The following MRTFB variants were observed in gnomAD, a reference collection of about 807,000 sequenced individuals.
MRTFB encodes myocardin related transcription factor B.
Under a neutral mutation model 104.2 loss-of-function variants are expected in MRTFB, and 29 were observed. The ratio of observed to expected loss-of-function variants is 0.28; its 90% confidence interval spans 0.21 to 0.38. The LOEUF is 0.38. MRTFB is among the 10% of genes least tolerant of loss of function. The pLI is 1.00. For synonymous variants in MRTFB, 535 were observed against 519.5 expected (o/e 1.03, Z -0.41); for missense variants, 1,270 against 1,341.6 (o/e 0.95, Z 0.83).
rs761196986 is a variant in MRTFB, at chr16:14,177,038, A to G, written c.155-33205A>G. Among the ~76,000 whole-genome samples, 2 of 152,220 alleles carry G rather than the reference A, an allele frequency of 1.3e-5. No individual in the cohort carries two copies. The highest frequency in any genetic ancestry group is 2.9e-5 in the Non-Finnish European group (2 of 68,032). On this transcript the variant is annotated intron_variant, in intron 3 of 16. Coordinates refer to ENST00000571589, the MANE Select transcript of MRTFB (RefSeq NM_001308142.2). The surrounding 1 kb of genome is among the most constrained non-coding windows in gnomAD (Gnocchi z 4.7). ...ACAGTTTCCGTGGGCAGAGATAGGG[A>G]ATAGGGAAATCCAGGAAGAAAAAAC...
the MRTFB span, among the ~76,000 whole-genome samples, chr16:14,038,891 G>T: frequency 3.3e-5 from 5 of 152,266 alleles, no homozygotes; most frequent in East Asian, 3.9e-4. Flanking sequence ...GAAGGCAAAA[G>T]GCACATCTTA....
chr16:14,218,295 A>G (rs1359835261), intron 7 of MRTFB, among the ~76,000 whole-genome samples: 3 of 151,880 alleles, frequency 2.0e-5, no homozygotes, highest in Non-Finnish European at 4.4e-5. Context: ...TCCTGACCTC[A>G]TGATCCACCC....
chr16:14,136,468 G>T (rs1029772561), intron 2 of MRTFB, among the ~76,000 whole-genome samples: 7 of 151,978 alleles, frequency 4.6e-5, no homozygotes, highest in Admixed American at 4.6e-4. Flanking sequence ...TACACAGTAG[G>T]ATCACTCTGT....
the MRTFB span, among the ~76,000 whole-genome samples, chr16:14,003,419 C>T: frequency 3.3e-5 from 5 of 152,332 alleles, no homozygotes; most frequent in South Asian, 1.0e-3. Flanking sequence ...CACCCCCGCA[C>T]GCTCACAGTG....
chr16:14,049,310 C>T, the MRTFB span, among the ~76,000 whole-genome samples: 1 of 152,192 alleles, frequency 6.6e-6, no homozygotes, highest in Non-Finnish European at 1.5e-5. Flanking sequence ...AATCATGTAT[C>T]ACTCCCCTAA....
At chr16:14,138,530 G>A (rs1366135423) in intron 2 of MRTFB, among the ~76,000 whole-genome samples, 1 of 152,194 alleles carries the variant, frequency 6.6e-6, no homozygotes, top group African/African-American at 2.4e-5. Context: ...TAAGAGTGGT[G>A]TTTTGTTAAG....
upstream of MRTFB, among the ~76,000 whole-genome samples, chr16:14,068,691 G>A (rs975259440): frequency 6.6e-6 from 1 of 152,262 alleles, no homozygotes; most frequent in Non-Finnish European, 1.5e-5. Context: ...CTTCCACAGG[G>A]GATTTGTGAC....
At chr16:14,193,109 A>G (rs2040261470) in intron 3 of MRTFB, among the ~76,000 whole-genome samples, 1 of 146,494 alleles carries the variant, frequency 6.8e-6, no homozygotes, top group Non-Finnish European at 1.5e-5. Context: ...CCCCCTACAC[A>G]CATTCTGGCC....
chr16:14,257,709 C>T (rs896011812), intron 15 of MRTFB, among the ~76,000 whole-genome samples: 9 of 152,166 alleles, frequency 5.9e-5, no homozygotes, highest in South Asian at 2.1e-4. Flanking sequence ...TACATAAGTG[C>T]ACCTTATTAT....
intron 3 of MRTFB, among the ~76,000 whole-genome samples, chr16:14,155,997 T>C (rs968762719): frequency 1.3e-5 from 2 of 152,200 alleles, no homozygotes; most frequent in African/African-American, 4.8e-5. Flanking sequence ...GTCTCCTCAG[T>C]TCAGCAAGCC....
chr16:14,045,956 T>C, the MRTFB span, among the ~76,000 whole-genome samples: 63 of 152,284 alleles, frequency 4.1e-4, no homozygotes, highest in African/African-American at 1.4e-3. Context: ...TAGTAAAGAA[T>C]AGATACCGGA....
At chr16:14,243,500 T>C (rs1262897443) in intron 10 of MRTFB, among the ~76,000 whole-genome samples, 1 of 152,242 alleles carries the variant, frequency 6.6e-6, no homozygotes, top group Non-Finnish European at 1.5e-5. Flanking sequence ...TGGAATCGGC[T>C]GTACGGTAGC....
chr16:14,029,445 TAC>T, the MRTFB span, among the ~76,000 whole-genome samples: 1 of 85,954 alleles, frequency 1.2e-5, no homozygotes, highest in Non-Finnish European at 2.3e-5. Context: ...TATATATATA[TAC>T]ACACACACAC....
chr16:14,169,216 C>A (rs2039345562), intron 3 of MRTFB, among the ~76,000 whole-genome samples: 4 of 152,142 alleles, frequency 2.6e-5, no homozygotes, highest in African/African-American at 9.7e-5. Flanking sequence ...CTGTACACAT[C>A]TCTCTAAAGA....
intron 1 of MRTFB, among the ~76,000 whole-genome samples, chr16:14,078,808 CATT>C (rs2034223538): frequency 7.1e-6 from 1 of 140,948 alleles, no homozygotes; most frequent in Admixed American, 6.8e-5. Flanking sequence ...TATATAATAA[CATT>C]ATAATAAAAT....
intron 2 of MRTFB, among the ~76,000 whole-genome samples, chr16:14,128,723 C>G (rs2037286245): frequency 6.6e-6 from 1 of 152,186 alleles, no homozygotes; most frequent in African/African-American, 2.4e-5. Context: ...AACCCATCTC[C>G]TATTGATCGT....
chr16:14,239,076 C>T (rs771705496), intron 9 of MRTFB, among the ~76,000 whole-genome samples: 32 of 152,182 alleles, frequency 2.1e-4, no homozygotes, highest in Non-Finnish European at 4.3e-4. Context: ...CTGGCTCCAG[C>T]ACCCCGCTGG....
At chr16:14,073,129 C>T (rs2033823833) in intron 1 of MRTFB, among the ~76,000 whole-genome samples, 2 of 152,222 alleles carry the variant, frequency 1.3e-5, no homozygotes, top group Admixed American at 6.5e-5. Context: ...CTTTCTCCTA[C>T]ATTACTGGAG....
chr16:14,109,601 G>C (rs566105075), intron 2 of MRTFB, among the ~76,000 whole-genome samples: 67 of 152,264 alleles, frequency 4.4e-4, no homozygotes, highest in African/African-American at 1.6e-3. Context: ...GTGGTACCTT[G>C]TTAAAGTCCT....
Sources: gnomAD v4.1 joint callset for allele counts (sites outside exome capture counted in the v4.1 genomes callset) on GRCh38, gnomAD v4.1.1 for gene constraint, Gnocchi (gnomAD v3.1) non-coding constraint, MANE v1.5 for transcripts, NCBI Gene and HGNC (gene_info 2026-07-23, HGNC 2026-07-21) for gene names.